LRBA: variants seen among roughly 807,000 people sequenced by gnomAD.
LRBA encodes the protein lipopolysaccharide-responsive and beige-like anchor protein.
A neutral mutation model predicts 330.0 loss-of-function variants in LRBA; 176 were observed. The ratio of observed to expected loss-of-function variants is 0.53; its 90% CI spans 0.47 to 0.60. The LOEUF (loss-of-function observed/expected upper bound fraction) is 0.60. Ranked by LOEUF, LRBA falls within the 20% of genes least tolerant of loss-of-function variation. The pLI is 0.00. For missense variants in LRBA, 3,259 were observed against 3,444.8 expected (o/e 0.95, Z 1.35); for synonymous variants, 1,230 against 1,193.0 (o/e 1.03, Z -0.64).
chr4:150,325,181 A>G (rs1016864970), intron 49 of LRBA, among the ~76,000 whole-genome samples: 4 of 152,172 alleles, frequency 2.6e-5, no homozygotes, highest in Non-Finnish European at 5.9e-5. Context: ...GAAAGGCCAC[A>G]TGGAAAGAGA....
intron 44 of LRBA, among the ~76,000 whole-genome samples, chr4:150,462,800 T>G (rs774294323): frequency 6.6e-6 from 1 of 151,886 alleles, no homozygotes; most frequent in Non-Finnish European, 1.5e-5. Context: ...GCATACAATG[T>G]TTTCTAAGAT....
At chr4:150,862,556 T>G (rs192653887) in intron 22 of LRBA, among the ~76,000 whole-genome samples, 1 of 151,964 alleles carries the variant, frequency 6.6e-6, no homozygotes, top group East Asian at 1.9e-4. Context: ...AAGGGTAGCA[T>G]TAGGAGATAT....
chr4:151,002,034 C>G (rs1333175165), intron 2 of LRBA, among the ~76,000 whole-genome samples: 1 of 151,944 alleles, frequency 6.6e-6, no homozygotes, highest in East Asian at 1.9e-4. Context: ...TACTACCACA[C>G]AGACCCAGAA....
chr4:150,635,896 T>A (rs1777849036), intron 37 of LRBA, among the ~76,000 whole-genome samples: 1 of 152,194 alleles, frequency 6.6e-6, no homozygotes, highest in African/African-American at 2.4e-5. Flanking sequence ...AGTTCTATAG[T>A]CTTTCCTGAA....
chr4:150,850,293 A>G (rs574954977), intron 24 of LRBA, among the ~76,000 whole-genome samples: 2 of 152,058 alleles, frequency 1.3e-5, no homozygotes, highest in South Asian at 4.2e-4. Context: ...ACAGGGTTTC[A>G]CCGTGTTAGC....
At position 150,491,051 on chromosome 4, in the gene LRBA, A is replaced by T. The variant is rs767917012; in HGVS notation, c.6331-16T>A. 1 of 1,317,122 alleles carries T rather than the reference A, an allele frequency of 7.6e-7. No individual in the cohort carries two copies. Among genetic ancestry groups the T allele is most frequent in the East Asian group, 2.3e-5 (1 of 42,632 alleles). The allele number at this position is 1,317,122 out of a possible 1,614,324, so 81.6% of individuals were successfully genotyped here. The stretch of plus-strand genomic sequence containing the variant: ...ATGCCAAGATCTAATGAGGAAAAAA[A>T]TAATCCCAGGTAAGTAACAATACTT... On this transcript the variant is annotated splice_polypyrimidine_tract_variant and intron_variant, in intron 40 of 56. Transcript: ENST00000651943.
chr4:150,916,551 ACCT>A, intron 6 of LRBA, 24 bp from the exon 7 acceptor site: 1 of 1,609,542 alleles, frequency 6.2e-7, no homozygotes, highest in Admixed American at 1.7e-5. Context: ...TTTTCATTTT[ACCT>A]CTAAATATTC....
rs530157441 is a variant in LRBA, at chr4:150,988,798, C to T, written c.216+25629G>A. 1.9e-3 allele frequency among the ~76,000 whole-genome samples: 285 copies of T among 152,150 alleles called. 1 individual carries two copies. Among genetic ancestry groups the T allele is most frequent in the African/African-American group, 6.7e-3 (277 of 41,514 alleles). On this transcript the variant is annotated intron_variant, in intron 2 of 56. Transcript: ENST00000651943. ...TTTCCCATGTTGGCCAGGATGGTCTCGATCTCTTGACCTTGTGATCCACCC... is the reference window on the plus strand; with the variant it reads ...TTTCCCATGTTGGCCAGGATGGTCTTGATCTCTTGACCTTGTGATCCACCC...
chr4:150,841,393 T>C (rs939761835), intron 28 of LRBA, among the ~76,000 whole-genome samples: 1 of 152,206 alleles, frequency 6.6e-6, no homozygotes, highest in African/African-American at 2.4e-5. Context: ...AGATTTGCTT[T>C]CCATTGTAGC....
At chr4:150,590,373 A>C (rs1422701635) in intron 39 of LRBA, among the ~76,000 whole-genome samples, 1 of 152,232 alleles carries the variant, frequency 6.6e-6, no homozygotes, top group African/African-American at 2.4e-5. Flanking sequence ...AAAAAAAAAA[A>C]AAAAAACTGG....
intron 39 of LRBA, 70 bp downstream of exon 39, chr4:150,590,643 G>A (rs1054506199): frequency 2.1e-6 from 3 of 1,445,194 alleles, no homozygotes; most frequent in East Asian, 2.3e-5. Context: ...GGTCACAGCT[G>A]AAAAAGTAAG....
intron 37 of LRBA, among the ~76,000 whole-genome samples, chr4:150,626,564 G>GA (rs940826014): frequency 2.0e-5 from 3 of 150,240 alleles, no homozygotes; most frequent in Admixed American, 6.6e-5. Flanking sequence ...CATATATCAA[G>GA]AAAAAAACAA....
chr4:150,928,948 T>C lies in LRBA; in HGVS notation c.334A>G (p.Ser112Gly). Residue 112 changes from serine (S) to glycine (G), a missense_variant, in exon 3 of 57, where the codon AGC becomes GGC. By Grantham distance (56) the Ser-to-Gly change is moderately conservative. Transcript: ENST00000651943. ...CDITCQAEVWSMFTAILKKSI... is the reference protein window; with the variant it reads ...CDITCQAEVWGMFTAILKKSI... ...TTCTTCAGAATGGCTGTAAACATGC[T>C]CCAGACTTCTGCTTGGCACGTAATG... is the stretch of plus-strand genomic sequence containing the variant. The C allele has an allele frequency of 6.2e-7, 1 of 1,613,938 alleles. No homozygotes were observed. Among genetic ancestry groups the C allele is most frequent in the Non-Finnish European group, 8.5e-7 (1 of 1,179,924 alleles).
intron 42 of LRBA, among the ~76,000 whole-genome samples, chr4:150,472,233 A>T (rs1756219701): frequency 6.6e-6 from 1 of 152,024 alleles, no homozygotes; most frequent in African/African-American, 2.4e-5. Context: ...GTAAAGAGAA[A>T]TTTTTTTAAT....
chr4:150,822,650 G>A (rs757484296), intron 30 of LRBA, among the ~76,000 whole-genome samples: 2 of 149,280 alleles, frequency 1.3e-5, no homozygotes, highest in Admixed American at 1.3e-4. Context: ...GCTACTCAGG[G>A]GACTGAGGAA....
intron 36 of LRBA, among the ~76,000 whole-genome samples, chr4:150,710,882 T>C (rs1199554827): frequency 6.6e-6 from 1 of 151,842 alleles, no homozygotes; most frequent in African/African-American, 2.4e-5. Context: ...AAACTCAACA[T>C]ATCAGTTCGG....
intron 34 of LRBA, among the ~76,000 whole-genome samples, chr4:150,780,114 G>C (rs1321381332): frequency 6.6e-6 from 1 of 152,144 alleles, no homozygotes; most frequent in East Asian, 1.9e-4. Context: ...CTTTCCTGCT[G>C]TTTAACCATT....
At chr4:150,673,442 A>T (rs985230173) in intron 37 of LRBA, among the ~76,000 whole-genome samples, 1 of 152,212 alleles carries the variant, frequency 6.6e-6, no homozygotes, top group East Asian at 1.9e-4. Context: ...AGGAAAACTC[A>T]TAACAGGAAT....
intron 40 of LRBA, among the ~76,000 whole-genome samples, chr4:150,532,373 C>T (rs967259672): frequency 4.6e-5 from 7 of 152,054 alleles, no homozygotes; most frequent in African/African-American, 1.7e-4. Flanking sequence ...CTACAGACAA[C>T]TAAAATTAAG....
Sources: gnomAD v4.1 joint callset for allele counts (sites outside exome capture counted in the v4.1 genomes callset) on GRCh38, gnomAD v4.1.1 for gene constraint, MANE v1.5 for transcripts, NCBI Gene and HGNC (gene_info 2026-07-23, HGNC 2026-07-21) for gene names.